Variants in LYRM4 observed in about 807,000 individuals in gnomAD.
LYRM4 encodes LYR motif-containing protein 4.
In LYRM4, 9 loss-of-function variants were observed where a neutral mutation model predicts 11.7. The ratio of observed to expected loss-of-function variants is 0.77; its 90% CI spans 0.46 to 1.34. The LOEUF (loss-of-function observed/expected upper bound fraction) is 1.34. Ranked by LOEUF, LYRM4 falls within the 40% of genes most tolerant of loss-of-function variation. The pLI is 0.00. For missense variants in LYRM4, 133 were observed against 112.5 expected (o/e 1.18, Z -0.82); for synonymous variants, 42 against 40.4 (o/e 1.04, Z -0.15).
At chr6:5,137,351 A>C (rs1222354829) in intron 2 of LYRM4, among the ~76,000 whole-genome samples, 1 of 152,200 alleles carries the variant, frequency 6.6e-6, no homozygotes, top group Non-Finnish European at 1.5e-5. Flanking sequence ...TTGAGTATAC[A>C]TGTAGGGGTG....
chr6:5,090,930 G>A, the LYRM4 span, among the ~76,000 whole-genome samples: 1 of 152,166 alleles, frequency 6.6e-6, no homozygotes, highest in Non-Finnish European at 1.5e-5. This position sits in a 1 kb window ranked among gnomAD's most constrained non-coding sequence, Gnocchi z 4.8. Context: ...AGAGTGATTG[G>A]TGCCATGTGT....
intron 1 of LYRM4, among the ~76,000 whole-genome samples, chr6:5,255,671 T>C (rs1227389832): frequency 2.0e-5 from 3 of 152,120 alleles, no homozygotes; most frequent in Non-Finnish European, 4.4e-5. Context: ...TGATGTTCCC[T>C]AGAATAGCAT....
At chr6:5,218,156 C>G (rs1389681525) in intron 1 of LYRM4, 1 of 741,450 alleles carries the variant, frequency 1.3e-6, no homozygotes, top group Non-Finnish European at 1.6e-6. Context: ...ATCCTCCTGC[C>G]TTAGCATCTC....
At chr6:5,168,163 A>C (rs62385012) in intron 2 of LYRM4, among the ~76,000 whole-genome samples, 49,526 of 151,838 alleles carry the variant, frequency 0.33, 9,596 homozygotes, top group East Asian at 0.5. Context: ...GGAAAGAAGA[A>C]GCTCTTCTTT....
chr6:5,224,097 C>T (rs1468945663), intron 1 of LYRM4, among the ~76,000 whole-genome samples: 4 of 152,172 alleles, frequency 2.6e-5, no homozygotes, highest in African/African-American at 9.7e-5. Flanking sequence ...CATGGAGCGT[C>T]CTTTTCCAGC....
At chr6:5,128,298 G>A (rs116632396) in intron 2 of LYRM4, among the ~76,000 whole-genome samples, 1 of 152,136 alleles carries the variant, frequency 6.6e-6, no homozygotes, top group Non-Finnish European at 1.5e-5. Flanking sequence ...CCTGGAAGCA[G>A]GGCACCCATC....
chr6:5,259,635 A>C lies in LYRM4; in HGVS notation c.86+1013T>G, dbSNP rs13213175. ...TCACACACGTGCTGGAGGGGGGCCT[A>C]CCTAACCAGGTGTGTTCCAAGGGTA... On this transcript the variant is annotated intron_variant, in intron 1 of 2. Coordinates refer to ENST00000330636, the MANE Select transcript of LYRM4 (RefSeq NM_020408.6). Among the ~76,000 whole-genome samples the C allele has an allele frequency of 8.9e-3, 1,354 of 152,270 alleles. 26 individuals are homozygous for C. Among genetic ancestry groups the C allele is most frequent in the African/African-American group, 0.029 (1,223 of 41,558 alleles).
At chr6:5,120,056 G>A (rs459200) in intron 2 of LYRM4, among the ~76,000 whole-genome samples, 88,315 of 151,478 alleles carry the variant, frequency 0.58, 26,590 homozygotes, top group East Asian at 0.88. Flanking sequence ...CACCACGTCT[G>A]GCTAATTTTT....
At chr6:5,046,329 G>A in the LYRM4 span, among the ~76,000 whole-genome samples, 3 of 152,088 alleles carry the variant, frequency 2.0e-5, no homozygotes, top group African/African-American at 7.2e-5. Context: ...TGTATTTTTA[G>A]TAGAGACGGG....
the LYRM4 span, among the ~76,000 whole-genome samples, chr6:5,078,968 A>G: frequency 6.6e-6 from 1 of 152,340 alleles, no homozygotes; most frequent in Admixed American, 6.5e-5. Context: ...TTGGCATATT[A>G]TATATGGTGT....
intron 1 of LYRM4, among the ~76,000 whole-genome samples, chr6:5,233,732 TC>T (rs1375686795): frequency 4.6e-5 from 7 of 152,160 alleles, no homozygotes; most frequent in Non-Finnish European, 1.0e-4. Flanking sequence ...CGCCTCAGCC[TC>T]CCCAGTAGCT....
chr6:5,196,474 C>T (rs1286971585), intron 2 of LYRM4, among the ~76,000 whole-genome samples: 1 of 152,210 alleles, frequency 6.6e-6, no homozygotes, highest in Non-Finnish European at 1.5e-5. Flanking sequence ...AGCAGTTTGA[C>T]TCTGGGCAAG....
At chr6:5,140,812 G>A (rs187594705) in intron 2 of LYRM4, among the ~76,000 whole-genome samples, 13 of 152,270 alleles carry the variant, frequency 8.5e-5, no homozygotes, top group Admixed American at 4.6e-4. Flanking sequence ...GAGGTAACAC[G>A]AACTGAAACC....
At chr6:5,056,997 CAT>C in the LYRM4 span, among the ~76,000 whole-genome samples, 4 of 152,040 alleles carry the variant, frequency 2.6e-5, no homozygotes, top group African/African-American at 9.7e-5. Flanking sequence ...GTTGAAAAGA[CAT>C]GTACTCAAGA....
At chr6:5,054,290 T>C in the LYRM4 span, 14,579 of 162,310 alleles carry the variant, frequency 0.09, 760 homozygotes, top group African/African-American at 0.14. Context: ...GAGAGGTCGG[T>C]GTTAGTATGT....
At chr6:5,260,598 T>TGCCCCGGCCCCCGGGC in intron 1 of LYRM4, 50 bp downstream of exon 1, 2 of 1,105,570 alleles carry the variant, frequency 1.8e-6, no homozygotes, top group Non-Finnish European at 2.6e-6. Flanking sequence ...GCACCCCCGG[T>TGCCCCGGCCCCCGGGC]CCCCGGCCCC....
At chr6:5,175,233 T>C (rs1189387812) in intron 2 of LYRM4, among the ~76,000 whole-genome samples, 1 of 152,244 alleles carries the variant, frequency 6.6e-6, no homozygotes, top group African/African-American at 2.4e-5. Flanking sequence ...GATCTCATGG[T>C]ATGCTTTTAA....
At chr6:5,222,764 G>GAAAAAAAAAAAA (rs56295961) in intron 1 of LYRM4, among the ~76,000 whole-genome samples, 1 of 139,964 alleles carries the variant, frequency 7.1e-6, no homozygotes. Context: ...AGCAAAACAA[G>GAAAAAAAAAAAA]AAAAAAAAAA....
At chr6:5,260,602 C>CGGCCCCG in intron 1 of LYRM4, 46 bp downstream of exon 1, 1 of 1,203,600 alleles carries the variant, frequency 8.3e-7, no homozygotes. Context: ...CCCCGGTCCC[C>CGGCCCCG]GGCCCCTGGC....
Sources: gnomAD v4.1 joint callset for allele counts (sites outside exome capture counted in the v4.1 genomes callset) on GRCh38, gnomAD v4.1.1 for gene constraint, Gnocchi (gnomAD v3.1) non-coding constraint, MANE v1.5 for transcripts, NCBI Gene and HGNC (gene_info 2026-07-23, HGNC 2026-07-21) for gene names.